Variants in GPHN observed in about 807,000 individuals in gnomAD.
GPHN encodes gephyrin.
A neutral mutation model predicts 95.5 loss-of-function variants in GPHN; 17 were observed. The observed-to-expected ratio is 0.18, with a 90% CI of 0.12 to 0.27. The LOEUF is 0.27. Ranked by LOEUF, GPHN falls within the 10% of genes least tolerant of loss-of-function variation. The pLI, the probability that GPHN is intolerant of heterozygous loss-of-function variation, is 1.00. For synonymous variants in GPHN, 320 were observed against 322.5 expected, an observed-to-expected ratio of 0.99 and a Z score of 0.08; for missense variants, 660 against 978.1, an observed-to-expected ratio of 0.67 and a Z score of 4.34.
At chr14:67,650,811 T>C in the GPHN span, 8 of 1,614,060 alleles carry the variant, frequency 5.0e-6, no homozygotes, top group South Asian at 1.1e-5. Context: ...GTAGATGTGA[T>C]TGCTTCAAGC....
chr14:66,732,606 T>C (rs1244962577), intron 2 of GPHN, among the ~76,000 whole-genome samples: 2 of 152,156 alleles, frequency 1.3e-5, no homozygotes, highest in East Asian at 1.9e-4. Context: ...AACCTCCGCC[T>C]CCCCGGTTCA....
the GPHN span, among the ~76,000 whole-genome samples, chr14:67,466,323 C>A: frequency 2.6e-5 from 4 of 152,232 alleles, no homozygotes; most frequent in Non-Finnish European, 5.9e-5. Context: ...AGTGTATTAC[C>A]AGAATGAAAC....
At chr14:67,356,843 G>A in the GPHN span, among the ~76,000 whole-genome samples, 1 of 152,286 alleles carries the variant, frequency 6.6e-6, no homozygotes, top group East Asian at 1.9e-4. Context: ...CCATCTCAAT[G>A]TGTGCATTTA....
the GPHN span, among the ~76,000 whole-genome samples, chr14:67,308,283 T>TAAAAAAAA: frequency 6.7e-6 from 1 of 149,770 alleles, no homozygotes. Context: ...ACCTAATACT[T>TAAAAAAAA]AGACAATAGA....
intron 4 of GPHN, among the ~76,000 whole-genome samples, chr14:66,852,369 A>T (rs1391759197): frequency 6.6e-6 from 1 of 152,116 alleles, no homozygotes; most frequent in East Asian, 1.9e-4. Flanking sequence ...TCAGTTGAGG[A>T]GGGAAAAAAA....
At chr14:67,424,160 A>G in the GPHN span, among the ~76,000 whole-genome samples, 2 of 152,278 alleles carry the variant, frequency 1.3e-5, no homozygotes, top group African/African-American at 4.8e-5. Flanking sequence ...GAATCACTTG[A>G]ACCCGGGAGA....
intron 5 of GPHN, among the ~76,000 whole-genome samples, chr14:66,891,168 A>G (rs2064477384): frequency 6.6e-6 from 1 of 152,024 alleles, no homozygotes; most frequent in African/African-American, 2.4e-5. Context: ...ATGATTATAT[A>G]TGTAGAAAAC....
chr14:67,725,396 G>A, the GPHN span: 1 of 854,596 alleles, frequency 1.2e-6, no homozygotes, highest in Non-Finnish European at 1.9e-6. Flanking sequence ...GCAGGACAGG[G>A]AATTGGCAAG....
At chr14:67,183,702 T>G (rs1472999139), downstream of GPHN, among the ~76,000 whole-genome samples, 2 of 151,374 alleles carry the variant, frequency 1.3e-5, no homozygotes. Context: ...TAGCTAGGAT[T>G]ACAGGCATGC....
At chr14:67,300,336 C>CTTTTTTTTTTTTTTTTT in the GPHN span, among the ~76,000 whole-genome samples, 731 of 138,768 alleles carry the variant, frequency 5.3e-3, 35 homozygotes, top group African/African-American at 0.015. Flanking sequence ...TATGAATTAC[C>CTTTTTTTTTTTTTTTTT]TTTTTTTTTT....
the GPHN span, chr14:67,562,458 G>A: frequency 3.1e-6 from 5 of 1,613,902 alleles, no homozygotes; most frequent in African/African-American, 1.3e-5. Context: ...CTTACCTTCA[G>A]ATGTAGTTCA....
chr14:66,659,691 A>C (rs1418667815), intron 1 of GPHN, among the ~76,000 whole-genome samples: 1 of 151,906 alleles, frequency 6.6e-6, no homozygotes, highest in Non-Finnish European at 1.5e-5. Context: ...GTCTCTGGTA[A>C]TTTCTTTTCT....
chr14:67,597,731 T>A, the GPHN span, among the ~76,000 whole-genome samples: 1 of 150,738 alleles, frequency 6.6e-6, no homozygotes, highest in Non-Finnish European at 1.5e-5. Context: ...GATACTCTGA[T>A]ACTGACTATA....
intron 18 of GPHN, among the ~76,000 whole-genome samples, chr14:67,146,381 TAG>T (rs1222970234): frequency 2.6e-5 from 4 of 152,226 alleles, no homozygotes; most frequent in African/African-American, 9.6e-5. Context: ...GCTTGTTAAA[TAG>T]TTAAACAGTA....
At chr14:67,250,887 C>T in the GPHN span, among the ~76,000 whole-genome samples, 1 of 152,200 alleles carries the variant, frequency 6.6e-6, no homozygotes, top group Non-Finnish European at 1.5e-5. Flanking sequence ...ATACTTTCTG[C>T]TTTCCCCTCT....
the GPHN span, chr14:67,338,340 C>G: frequency 7.4e-6 from 2 of 271,960 alleles, no homozygotes; most frequent in African/African-American, 4.4e-5. Context: ...GCTTGGTAAG[C>G]AGATCACGTG....
intron 2 of GPHN, among the ~76,000 whole-genome samples, chr14:66,705,460 A>G (rs1005648119): frequency 6.6e-6 from 1 of 152,216 alleles, no homozygotes; most frequent in African/African-American, 2.4e-5. Flanking sequence ...CAAAAATGTT[A>G]TCCACCATTA....
chr14:67,390,791 G>T, the GPHN span: 1 of 1,291,984 alleles, frequency 7.7e-7, no homozygotes, highest in Non-Finnish European at 1.1e-6. Flanking sequence ...ACAGCTGCAT[G>T]TCCCTCTCTC....
intron 4 of GPHN, among the ~76,000 whole-genome samples, chr14:66,828,365 T>A (rs2061456982): frequency 1.3e-5 from 2 of 152,092 alleles, no homozygotes; most frequent in African/African-American, 4.8e-5. Flanking sequence ...GAAAGGAATT[T>A]AGAAATATAA....
Sources: allele counts gnomAD v4.1 joint callset (sites outside exome capture counted in the v4.1 genomes callset), GRCh38; gene constraint gnomAD v4.1.1; transcripts MANE v1.5; gene names NCBI Gene and HGNC (gene_info 2026-07-23, HGNC 2026-07-21).